MEST: variants seen among roughly 807,000 people sequenced by gnomAD.
The protein encoded by MEST is mesoderm specific transcript.
Under a neutral mutation model 50.9 loss-of-function variants are expected in MEST, and 18 were observed. That is an observed-to-expected ratio of 0.35 (90% confidence interval 0.24 to 0.52). The LOEUF (loss-of-function observed/expected upper bound fraction) is 0.52, where lower values mean the gene tolerates loss of function less well. MEST is among the 20% of genes least tolerant of loss of function. The probability of loss-of-function intolerance (pLI) is 0.94; values close to 1 mark genes in which losing one functional copy is unlikely to be tolerated. For missense variants in MEST, 282 were observed against 425.3 expected (o/e 0.66, Z 2.96); for synonymous variants, 130 against 154.1 (o/e 0.84, Z 1.16).
chr7:130,490,853 C>T (rs1191965993), upstream of MEST: 1 of 152,262 alleles, frequency 6.6e-6, no homozygotes, highest in Non-Finnish European at 1.5e-5. Context: ...TGTGTTGTGC[C>T]AGAGGTTCTG....
Position 130,498,178 on chromosome 7 carries a change from G to A in MEST, c.379G>A (p.Val127Met). ...HYSIFEQASI[V>M]EALLRHLGLQ... ...TTCCATATTTGAGCAGGCCAGCATC[G>A]TGGAAGCGCTTTTGCGGCATCTGGG... The change falls in exon 5 of 12, where the codon GTG becomes ATG. Residue 127 changes from valine to methionine, a missense_variant. Transcript: ENST00000223215. 3 of 1,614,118 alleles carry A rather than the reference G, an allele frequency of 1.9e-6. No homozygotes were observed. The highest frequency in any genetic ancestry group is 2.2e-5 in the East Asian group (1 of 44,882).
rs1554437199 is a variant in MEST, at chr7:130,497,160, T to C, written c.186T>C (p.Ser62=). ...YKGLRIFYQD[S]VGVVGSPEIV... ...TTGTACTTTCCTTCTTCCTAGACTC[T>C]GTGGGTGTGGTTGGAAGTCCAGAGA... Residue 62 remains serine (S), a synonymous_variant, in exon 3 of 12, where the codon TCT becomes TCC. Coordinates refer to ENST00000223215, the MANE Select transcript of MEST (RefSeq NM_002402.4). This position sits in a 1 kb window ranked among gnomAD's most constrained non-coding sequence, Gnocchi z 4.0. The C allele has an allele frequency of 1.2e-6, 2 of 1,612,058 alleles. No individual in the cohort carries two copies. Among genetic ancestry groups the C allele is most frequent in the Admixed American group, 1.7e-5 (1 of 59,708 alleles).
At chr7:130,491,374 T>C (rs944776061), upstream of MEST, 6 of 152,374 alleles carry the variant, frequency 3.9e-5, no homozygotes, top group Non-Finnish European at 7.3e-5. This position sits in a 1 kb window ranked among gnomAD's most constrained non-coding sequence, Gnocchi z 6.8. Flanking sequence ...CACGTCGCGC[T>C]GCTGTAAAGG....
rs1436179430 is a variant in MEST, at chr7:130,494,912, A to T, written c.27-456A>T. ...TATAGCACATATATATTTTTTGAAC[A>T]TTTTACTGGTTGGGGGTAGTGGGTA... is the stretch of plus-strand genomic sequence containing the variant. On this transcript the variant is annotated intron_variant, in intron 1 of 11. Transcript: ENST00000223215. 5.7e-6 allele frequency: 5 copies of T among 875,626 alleles called. No homozygotes were observed. In the African/African-American group the frequency reaches 9.1e-5, roughly 16 times the overall value. 54.2% of individuals were successfully genotyped at this position (875,626 alleles called of 1,614,324 possible).
At chr7:130,502,047 A>G (rs758334262) in intron 9 of MEST, among the ~76,000 whole-genome samples, 2 of 152,046 alleles carry the variant, frequency 1.3e-5, no homozygotes, top group Non-Finnish European at 2.9e-5. Flanking sequence ...ATGTGTTACA[A>G]TCCTCTTATT....
At position 130,498,450 on chromosome 7, in the gene MEST, A is replaced by C; in HGVS notation, c.508A>C (p.Ile170Leu). 1.2e-6 allele frequency: 2 copies of C among 1,614,186 alleles called. No homozygotes were observed. ...GCAGAATCGATCTGGTCGGCTTACC[A>C]TAAAGAGTCTCTGTCTGTCAAATGG... ...YKQNRSGRLTIKSLCLSNGGI... is the reference protein window; with the variant it reads ...YKQNRSGRLTLKSLCLSNGGI... The change falls in exon 6 of 12, where the codon ATA (isoleucine) becomes CTA (leucine). Residue 170 changes from isoleucine to leucine, a missense_variant. By Grantham distance (5) the Ile-to-Leu change is conservative (BLOSUM62 2). Transcript: ENST00000223215.
In MEST at chr7:130,497,134, A is replaced by G. The variant is rs1799092327; in HGVS notation, c.182-22A>G. On this transcript the variant is annotated intron_variant, in intron 2 of 11. Transcript: ENST00000223215. This position sits in a 1 kb window ranked among gnomAD's most constrained non-coding sequence, Gnocchi z 4.0. Reference sequence around the variant, plus strand: ...TTTTTATAGGGATTTGGCATAATTGATTGTACTTTCCTTCTTCCTAGACTC... The same window carrying G: ...TTTTTATAGGGATTTGGCATAATTGGTTGTACTTTCCTTCTTCCTAGACTC... 2 of 1,595,362 alleles carry G rather than the reference A, an allele frequency of 1.3e-6. No individual in the cohort carries two copies. Among genetic ancestry groups the G allele is most frequent in the South Asian group, 1.1e-5 (1 of 89,304 alleles).
chr7:130,491,941 T>G, upstream of MEST: 1 of 158,922 alleles, frequency 6.3e-6, no homozygotes, highest in Non-Finnish European at 1.4e-5. This position sits in a 1 kb window ranked among gnomAD's most constrained non-coding sequence, Gnocchi z 6.8. Flanking sequence ...GGGCACCCCA[T>G]CTTTGTGGCC....
rs1476442244 is a variant in MEST, at chr7:130,505,270, T to A, written c.*214T>A. On this transcript the variant is annotated 3_prime_UTR_variant, in exon 12 of 12. Transcript: ENST00000223215. ...TAGTCCACCTCCCATTACTTTGATA[T>A]CTGATCAAATGTATAGACTTGGCTT... The A allele has an allele frequency of 8.6e-6, 4 of 464,914 alleles. No individual in the cohort carries two copies. The highest frequency in any genetic ancestry group is 6.5e-5 in the Admixed American group (2 of 30,956). 28.8% of individuals were successfully genotyped at this position (464,914 alleles called of 1,614,324 possible). A position where few individuals can be genotyped will look rare whatever the true frequency, so the allele number is the denominator to read the frequency against.
intron 10 of MEST, among the ~76,000 whole-genome samples, chr7:130,503,555 T>C (rs1361898232): frequency 6.6e-6 from 1 of 152,230 alleles, no homozygotes; most frequent in African/African-American, 2.4e-5. Flanking sequence ...ACGTCTGTAA[T>C]CCTAGCTTTT....
intron 1 of MEST, among the ~76,000 whole-genome samples, chr7:130,493,516 C>CA (rs1181607994): frequency 4.6e-5 from 7 of 152,168 alleles, no homozygotes; most frequent in Admixed American, 4.6e-4. Context: ...GGTAATAAGA[C>CA]AAAAAATGGC....
intron 9 of MEST, among the ~76,000 whole-genome samples, chr7:130,501,921 G>A (rs1554438579): frequency 6.6e-6 from 1 of 151,832 alleles, no homozygotes; most frequent in Admixed American, 6.6e-5. Context: ...CCAGGAAGCG[G>A]AGGTTGCAGT....
chr7:130,495,204 CAG>C (rs1798998231), intron 1 of MEST, 162 bp from the exon 2 acceptor site: 2 of 600,832 alleles, frequency 3.3e-6, no homozygotes, highest in South Asian at 3.0e-5. Context: ...CTATGGCAGA[CAG>C]AGGTTTGATT....
At chr7:130,499,680 A>G (rs1799202568) in intron 6 of MEST, among the ~76,000 whole-genome samples, 195 bp from the exon 7 acceptor site, 1 of 152,102 alleles carries the variant, frequency 6.6e-6, no homozygotes, top group South Asian at 2.1e-4. Context: ...GTTTCTGATA[A>G]TGGGCTTGCC....
Position 130,492,409 on chromosome 7 carries a change from C to G in MEST, c.26+70C>G. 2.5e-6 allele frequency: 3 copies of G among 1,204,568 alleles called. No homozygotes were observed. Among genetic ancestry groups the G allele is most frequent in the Non-Finnish European group, 3.1e-6 (3 of 953,122 alleles). 74.6% of individuals were successfully genotyped at this position (1,204,568 alleles called of 1,614,324 possible). A position where few individuals can be genotyped will look rare whatever the true frequency, so the allele number is the denominator to read the frequency against. On this transcript the variant is annotated intron_variant, in intron 1 of 11. Coordinates refer to ENST00000223215, the MANE Select transcript of MEST (RefSeq NM_002402.4). This position sits in a 1 kb window ranked among gnomAD's most constrained non-coding sequence, Gnocchi z 7.6. Reference sequence around the variant, plus strand: ...GACTAGGGCGCAGGCGAGCGGAGGACTGTGTGCCCGTGTCCGAGCTGGGGC... The same window carrying G: ...GACTAGGGCGCAGGCGAGCGGAGGAGTGTGTGCCCGTGTCCGAGCTGGGGC...
chr7:130,492,076 G>A (rs116603785), upstream of MEST: 11,719 of 246,916 alleles, frequency 0.047, 581 homozygotes, highest in African/African-American at 0.1. The surrounding 1 kb of genome is among the most constrained non-coding windows in gnomAD (Gnocchi z 7.6). Flanking sequence ...GTGCCCACTC[G>A]CTCCGCGCTG....
chr7:130,498,737 T>TGAA (rs1799165086), intron 6 of MEST: 1 of 562,058 alleles, frequency 1.8e-6, no homozygotes, highest in Non-Finnish European at 3.2e-6. Context: ...AAAGCTGCAT[T>TGAA]ATAGTCACAT....
At chr7:130,502,225 C>G (rs888891073) in intron 9 of MEST, among the ~76,000 whole-genome samples, 2 of 152,056 alleles carry the variant, frequency 1.3e-5, no homozygotes, top group Admixed American at 6.5e-5. Context: ...TAGGGAGACC[C>G]TGTCTTTTAA....
upstream of MEST, chr7:130,490,018 TAAC>T (rs1798738431): frequency 6.6e-6 from 1 of 152,196 alleles, no homozygotes; most frequent in African/African-American, 2.4e-5. Context: ...AAGTTTCCAT[TAAC>T]AATAAATATG....
Sources: gnomAD v4.1 joint callset for allele counts (sites outside exome capture counted in the v4.1 genomes callset) on GRCh38, gnomAD v4.1.1 for gene constraint, Gnocchi (gnomAD v3.1) non-coding constraint, MANE v1.5 for transcripts, NCBI Gene and HGNC (gene_info 2026-07-23, HGNC 2026-07-21) for gene names.